The following PKHD1L1 variants were observed in gnomAD, a reference collection of about 807,000 sequenced individuals.
PKHD1L1 encodes fibrocystin-L.
A neutral mutation model predicts 462.9 loss-of-function variants in PKHD1L1; 434 were observed. The observed-to-expected ratio is 0.94, with a 90% CI of 0.87 to 1.02. The LOEUF is 1.02. Ranked by LOEUF, PKHD1L1 falls within the 50% of genes least tolerant of loss-of-function variation. PKHD1L1 has a pLI of 0.00. For synonymous variants in PKHD1L1, 1,781 were observed against 1,750.0 expected, an observed-to-expected ratio of 1.02 and a Z score of -0.44; for missense variants, 5,202 against 5,096.1, an observed-to-expected ratio of 1.02 and a Z score of -0.63.
chr8:109,398,166 A>C (rs1171891202), intron 11 of PKHD1L1, among the ~76,000 whole-genome samples: 1 of 152,136 alleles, frequency 6.6e-6, no homozygotes, highest in Admixed American at 6.6e-5. Context: ...TTGAATTCAG[A>C]AGTAACATTT....
intron 21 of PKHD1L1, among the ~76,000 whole-genome samples, chr8:109,413,845 A>C (rs1431472394): frequency 1.3e-5 from 2 of 152,182 alleles, no homozygotes; most frequent in African/African-American, 2.4e-5. Flanking sequence ...ATGTATTACT[A>C]AATCTAATAA....
Position 109,410,726 on chromosome 8 carries a change from C to CTTTTTTTTTTTTTTTTTTTTTT in PKHD1L1, c.2085+769_2085+770insTTTTTTTTTTTTTTTTTTTTTT, listed in dbSNP as rs71303459. 6.9e-4 allele frequency among the ~76,000 whole-genome samples: 47 copies of CTTTTTTTTTTTTTTTTTTTTTT among 68,386 alleles called. 8 individuals carry two copies. Among genetic ancestry groups the CTTTTTTTTTTTTTTTTTTTTTT allele is most frequent in the African/African-American group, 3.5e-3 (43 of 12,264 alleles). 44.9% of individuals were successfully genotyped at this position (68,386 alleles called of 152,430 possible). The stretch of plus-strand genomic sequence containing the variant: ...TTCTTTTTTCTTTTCTTTTCTTTTT[C>CTTTTTTTTTTTTTTTTTTTTTT]TTTTTTTTTTTTTTTTTTTTTGAGA... On this transcript the variant is annotated intron_variant, in intron 19 of 77. Coordinates refer to ENST00000378402, the MANE Select transcript of PKHD1L1 (RefSeq NM_177531.6).
chr8:109,390,847 T>C (rs1224230186), intron 9 of PKHD1L1, among the ~76,000 whole-genome samples: 1 of 152,182 alleles, frequency 6.6e-6, no homozygotes, highest in African/African-American at 2.4e-5. Flanking sequence ...AAAAACCTCA[T>C]GGTTAATATT....
intron 56 of PKHD1L1, 35 bp from the exon 57 acceptor site, chr8:109,482,952 G>T: frequency 1.5e-6 from 2 of 1,360,104 alleles, no homozygotes; most frequent in South Asian, 1.3e-5. Flanking sequence ...CAGTACTGTG[G>T]GGTGAATAAG....
At chr8:109,522,702 G>C in intron 74 of PKHD1L1, 42 bp from the exon 75 acceptor site, 2 of 1,552,012 alleles carry the variant, frequency 1.3e-6, no homozygotes, top group South Asian at 1.2e-5. Flanking sequence ...GCTGAGTGTA[G>C]TTTATCATGA....
At position 109,408,142 on chromosome 8, in the gene PKHD1L1, C is replaced by T; in HGVS notation, c.1907C>T (p.Thr636Ile). 9.3e-6 allele frequency: 15 copies of T among 1,613,194 alleles called. No individual in the cohort carries two copies. The highest frequency in any genetic ancestry group is 1.3e-5 in the African/African-American group (1 of 74,978). The change falls in exon 18 of 78, where the codon ACA becomes ATA. Residue 636 changes from threonine to isoleucine, a missense_variant. By Grantham distance (89) the Thr-to-Ile change is moderately conservative (BLOSUM62 -1). Transcript: ENST00000378402. Reference protein sequence around the residue: ...EQTKGKPNLETFTLNWDGIAS... With the variant: ...EQTKGKPNLEIFTLNWDGIAS... ...ACCAAAGGAAAACCCAACTTGGAGA[C>T]ATTCACACTGAATTGGGATGGGATC...
At chr8:109,385,743 G>T (rs1274958676) in intron 6 of PKHD1L1, 113 bp downstream of exon 6, 7 of 578,762 alleles carry the variant, frequency 1.2e-5, no homozygotes, top group East Asian at 7.5e-5. Context: ...TAACTAACCA[G>T]TGTTTTTTTT....
At position 109,463,555 on chromosome 8, in the gene PKHD1L1, C is replaced by T. The variant is rs1817254101; in HGVS notation, c.7384-661C>T. On this transcript the variant is annotated intron_variant, in intron 48 of 77. Coordinates refer to ENST00000378402, the MANE Select transcript of PKHD1L1 (RefSeq NM_177531.6). ...CCCCATGAGATTATATGCTCACATG[C>T]ATGCACACACGCACATACACACACA... Among the ~76,000 whole-genome samples the T allele has an allele frequency of 2.6e-5, 4 of 152,028 alleles. No individual in the cohort carries two copies. The South Asian group carries it at 8.3e-4, about 32-fold the overall frequency.
chr8:109,424,730 A>G (rs575049731), intron 23 of PKHD1L1, among the ~76,000 whole-genome samples: 8 of 152,148 alleles, frequency 5.3e-5, no homozygotes, highest in Non-Finnish European at 1.2e-4. Flanking sequence ...AATAGCCAAG[A>G]CCACATCTCA....
At chr8:109,502,111 TG>T (rs879269669) in intron 67 of PKHD1L1, among the ~76,000 whole-genome samples, 1 of 152,150 alleles carries the variant, frequency 6.6e-6, no homozygotes, top group Non-Finnish European at 1.5e-5. Flanking sequence ...ACCTCTGAGT[TG>T]GGCTGAAATG....
intron 71 of PKHD1L1, among the ~76,000 whole-genome samples, chr8:109,511,660 T>A (rs1819991580): frequency 6.6e-6 from 1 of 152,092 alleles, no homozygotes; most frequent in South Asian, 2.1e-4. Flanking sequence ...AACATACGTG[T>A]GCATGTGTCT....
At position 109,535,014 on chromosome 8, in the gene PKHD1L1, A is replaced by T. The variant is rs975324522; in HGVS notation, c.*4924A>T. ...AAATAAACTTTCTGATAAACCAATG[A>T]TTGGGTAGCATGATGAAACTTTTCC... On this transcript the variant is annotated 3_prime_UTR_variant, in exon 78 of 78. Transcript: ENST00000378402. Among the ~76,000 whole-genome samples the T allele has an allele frequency of 3.3e-5, 5 of 152,120 alleles. No homozygotes were observed. The highest frequency in any genetic ancestry group is 7.4e-5 in the Non-Finnish European group (5 of 68,026).
At position 109,452,104 on chromosome 8, in the gene PKHD1L1, G is replaced by A. The variant is rs73704007; in HGVS notation, c.6351-20G>A. 2.7e-3 allele frequency: 4,322 copies of A among 1,600,292 alleles called. 101 individuals are homozygous for A. The African/African-American group carries it at 0.048, about 18-fold the overall frequency. On this transcript the variant is annotated intron_variant, in intron 41 of 77. Coordinates refer to ENST00000378402, the MANE Select transcript of PKHD1L1 (RefSeq NM_177531.6). ...TATTTGAGAAAAACATACATGTTAT[G>A]TTTTCCCTCTTTTTTACAGTGAAAA... is the stretch of plus-strand genomic sequence containing the variant.
intron 6 of PKHD1L1, 111 bp downstream of exon 6, chr8:109,385,741 C>A: frequency 8.0e-6 from 5 of 621,154 alleles, no homozygotes; most frequent in Non-Finnish European, 4.9e-6. Context: ...TATAACTAAC[C>A]AGTGTTTTTT....
rs766754755 is a variant in PKHD1L1, at chr8:109,508,154, T to C, written c.11285T>C (p.Phe3762Ser). ...YLPEWQSYQC[F>S]GMEYAMMVIE... ...CCAGAGTGGCAGAGCTATCAGTGCT[T>C]TGGGATGGAATATGCAATGATGGTT... The change falls in exon 70 of 78, where the codon TTT (phenylalanine) becomes TCT (serine). Residue 3762 changes from phenylalanine to serine, a missense_variant. Physicochemically the swap from Phe to Ser is radical, Grantham distance 155. Transcript: ENST00000378402. The C allele has an allele frequency of 6.2e-7, 1 of 1,613,154 alleles. No homozygotes were observed. The highest frequency in any genetic ancestry group is 8.5e-7 in the Non-Finnish European group (1 of 1,179,322).
intron 2 of PKHD1L1, among the ~76,000 whole-genome samples, chr8:109,376,709 T>C (rs1811855458): frequency 6.6e-6 from 1 of 152,224 alleles, no homozygotes; most frequent in African/African-American, 2.4e-5. Context: ...TCTTAGCAGA[T>C]ATCTGATTAA....
chr8:109,384,197 A>T, intron 5 of PKHD1L1, 70 bp downstream of exon 5: 2 of 1,143,122 alleles, frequency 1.7e-6, no homozygotes, highest in Middle Eastern at 4.0e-4. Context: ...TTAGTATATG[A>T]AATTAGTATA....
At chr8:109,460,682 G>C (rs928468993) in intron 47 of PKHD1L1, among the ~76,000 whole-genome samples, 2 of 152,144 alleles carry the variant, frequency 1.3e-5, no homozygotes, top group Non-Finnish European at 2.9e-5. Flanking sequence ...ATTGGCCTCA[G>C]TTAAGAAACA....
At chr8:109,369,873 A>G (rs1367715449) in intron 2 of PKHD1L1, among the ~76,000 whole-genome samples, 1 of 152,232 alleles carries the variant, frequency 6.6e-6, no homozygotes, top group African/African-American at 2.4e-5. Flanking sequence ...AAGTCAATGC[A>G]AATGTCTCTC....
Sources: gnomAD v4.1 joint callset for allele counts (sites outside exome capture counted in the v4.1 genomes callset) on GRCh38, gnomAD v4.1.1 for gene constraint, MANE v1.5 for transcripts, NCBI Gene and HGNC (gene_info 2026-07-23, HGNC 2026-07-21) for gene names.